TBCD: variants seen among roughly 807,000 people sequenced by gnomAD.
TBCD encodes the protein tubulin folding cofactor D, also known as tubulin-specific chaperone D.
TBCD carries 105 observed loss-of-function variants against 169.3 expected under a neutral mutation model. The ratio of observed to expected loss-of-function variants is 0.62; its 90% CI spans 0.53 to 0.73. The LOEUF (loss-of-function observed/expected upper bound fraction) is 0.73, where lower values mean the gene tolerates loss of function less well. Among genes scored for constraint, TBCD ranks in the 30% least tolerant of loss-of-function variants. The pLI is 0.00. For synonymous variants in TBCD, 700 were observed against 643.9 expected (o/e 1.09, Z -1.32); for missense variants, 1,444 against 1,600.1 (o/e 0.90, Z 1.66).
intron 13 of TBCD, among the ~76,000 whole-genome samples, chr17:82,867,532 A>C (rs1263322243): frequency 6.6e-6 from 1 of 152,234 alleles, no homozygotes; most frequent in Admixed American, 6.5e-5. Context: ...GGCCACGAAC[A>C]GGCTGCCCTG....
chr17:82,870,938 A>G (rs57447107), intron 14 of TBCD, among the ~76,000 whole-genome samples: 2,517 of 152,340 alleles, frequency 0.017, 78 homozygotes, highest in African/African-American at 0.058. Context: ...CACTTGAGAG[A>G]ATGTTCAGTA....
intron 2 of TBCD, among the ~76,000 whole-genome samples, chr17:82,763,400 A>G (rs1199430518): frequency 6.6e-6 from 1 of 152,146 alleles, no homozygotes; most frequent in Non-Finnish European, 1.5e-5. Flanking sequence ...CCTTTTGCTT[A>G]CGTTTAACCT....
intron 9 of TBCD, among the ~76,000 whole-genome samples, chr17:82,803,862 G>T (rs183232324): frequency 6.6e-6 from 1 of 151,574 alleles, no homozygotes; most frequent in African/African-American, 2.4e-5. Context: ...CGGTCTGTGG[G>T]GCGTTAGGGG....
chr17:82,802,578 C>T (rs1472221874), intron 9 of TBCD, among the ~76,000 whole-genome samples: 1 of 152,216 alleles, frequency 6.6e-6, no homozygotes, highest in Admixed American at 6.5e-5. Flanking sequence ...CCAAAGGCCT[C>T]AGGGTGGAGA....
chr17:82,774,680 C>T (rs1011849230), intron 6 of TBCD, among the ~76,000 whole-genome samples: 8 of 152,072 alleles, frequency 5.3e-5, no homozygotes, highest in African/African-American at 1.4e-4. Flanking sequence ...CGGGGGCTGC[C>T]CCCCACCCGA....
chr17:82,903,652 G>A lies in TBCD; in HGVS notation c.1804+174G>A, dbSNP rs1225026863. Among the ~76,000 whole-genome samples the A allele has an allele frequency of 3.3e-5, 5 of 152,232 alleles. No homozygotes were observed. Among genetic ancestry groups the A allele is most frequent in the Non-Finnish European group, 4.4e-5 (3 of 68,030 alleles). The stretch of plus-strand genomic sequence containing the variant: ...GTGGATAGGCTGTGAGGACGGATGC[G>A]GTGAGTGTGTCCGCCTGCAGGGCAG... On this transcript the variant is annotated intron_variant, in intron 19 of 38. Coordinates refer to ENST00000355528, the MANE Select transcript of TBCD (RefSeq NM_005993.5). This position sits in a 1 kb window ranked among gnomAD's most constrained non-coding sequence, Gnocchi z 4.8.
chr17:82,795,674 C>G (rs1204562538), intron 7 of TBCD: 1 of 894,238 alleles, frequency 1.1e-6, no homozygotes, highest in East Asian at 1.2e-4. Flanking sequence ...GCATCAGTGA[C>G]AGCCGCACTC....
chr17:82,752,168 G>A lies in TBCD; in HGVS notation c.-26G>A. The A allele has an allele frequency of 1.3e-6, 2 of 1,500,386 alleles. No individual in the cohort carries two copies. Among genetic ancestry groups the A allele is most frequent in the African/African-American group, 1.5e-5 (1 of 68,558 alleles). The allele number at this position is 1,500,386 out of a possible 1,614,324, so 92.9% of individuals were successfully genotyped here. On this transcript the variant is annotated 5_prime_UTR_variant, in exon 1 of 39. Transcript: ENST00000355528. Reference sequence around the variant, plus strand: ...AGTGGGATCTGCGAACACGTGAGGCGGGGGCGCGGTCCCCAGGCTGCCGAG... The same window carrying A: ...AGTGGGATCTGCGAACACGTGAGGCAGGGGCGCGGTCCCCAGGCTGCCGAG...
chr17:82,879,137 C>G (rs765009664), intron 14 of TBCD, among the ~76,000 whole-genome samples: 10 of 129,684 alleles, frequency 7.7e-5, no homozygotes, highest in Non-Finnish European at 1.6e-4. Flanking sequence ...CCTGGCTTAT[C>G]TTTTTGCCCC....
chr17:82,780,972 T>C (rs1357314224), intron 6 of TBCD, among the ~76,000 whole-genome samples: 1 of 152,024 alleles, frequency 6.6e-6, no homozygotes, highest in Non-Finnish European at 1.5e-5. Context: ...TTGGGAGCTC[T>C]GTGTGCTCAA....
chr17:82,888,863 T>G (rs2058937512), intron 15 of TBCD, among the ~76,000 whole-genome samples: 1 of 152,254 alleles, frequency 6.6e-6, no homozygotes, highest in African/African-American at 2.4e-5. Flanking sequence ...GCGTGGTCCC[T>G]GAAGCCGCCA....
intron 7 of TBCD, among the ~76,000 whole-genome samples, chr17:82,794,273 C>T (rs527467267): frequency 7.2e-5 from 11 of 152,234 alleles, no homozygotes; most frequent in African/African-American, 1.4e-4. Context: ...GAAGCTGGCT[C>T]GCACGTTGCA....
chr17:82,772,500 G>C lies in TBCD; in HGVS notation c.631G>C (p.Val211Leu). 6.2e-7 allele frequency: 1 copy of C among 1,614,004 alleles called. No individual in the cohort carries two copies. Among genetic ancestry groups the C allele is most frequent in the Non-Finnish European group, 8.5e-7 (1 of 1,179,896 alleles). The change falls in exon 6 of 39, where the codon GTG (valine) becomes CTG (leucine). Residue 211 changes from valine to leucine, a missense_variant. Physicochemically the swap from Val to Leu is conservative, Grantham distance 32 (BLOSUM62 1). Transcript: ENST00000355528. ...DKARDAAAVLVSRFITRPDVK... is the reference protein window; with the variant it reads ...DKARDAAAVLLSRFITRPDVK... ...GGCCCGAGATGCAGCTGCTGTCCTTGTGTCCAGGTAAGTTTCCATGGCACA... is the reference window on the plus strand; with the variant it reads ...GGCCCGAGATGCAGCTGCTGTCCTTCTGTCCAGGTAAGTTTCCATGGCACA...
rs997065246 is a variant in TBCD, at chr17:82,835,635, G to A, written c.1318+20701G>A. ...AGATGGGGTTTCACTATGTTGGCCC[G>A]GCTGGTCTTGAACTCCTGACCTCAG... On this transcript the variant is annotated intron_variant, in intron 13 of 38. Coordinates refer to ENST00000355528, the MANE Select transcript of TBCD (RefSeq NM_005993.5). This position sits in a 1 kb window ranked among gnomAD's most constrained non-coding sequence, Gnocchi z 4.5. Among the ~76,000 whole-genome samples, 1 of 151,902 alleles carries A rather than the reference G, an allele frequency of 6.6e-6. No homozygotes were observed. The highest frequency in any genetic ancestry group is 1.5e-5 in the Non-Finnish European group (1 of 68,002).
intron 17 of TBCD, among the ~76,000 whole-genome samples, chr17:82,894,019 G>A (rs975495790): frequency 6.0e-5 from 4 of 66,462 alleles, no homozygotes; most frequent in African/African-American, 3.5e-4. Flanking sequence ...ACCTCCTCCT[G>A]ATGCTTCCCT....
At position 82,768,548 on chromosome 17, in the gene TBCD, T is replaced by C; in HGVS notation, c.564T>C (p.Arg188=). 3 of 1,614,050 alleles carry C rather than the reference T, an allele frequency of 1.9e-6. No homozygotes were observed. Among genetic ancestry groups the C allele is most frequent in the Non-Finnish European group, 2.5e-6 (3 of 1,179,884 alleles). The change falls in exon 5 of 39, where the codon CGT becomes CGC. Residue 188 remains arginine (R), a synonymous_variant. Transcript: ENST00000355528. ...PGQARMSIMD[R]ILQIAESYLI... ...AAGCACGAATGTCCATAATGGACCG[T>C]ATTCTCCAAATAGCAGAGGTAAATA...
chr17:82,787,218 C>G (rs1227627588), intron 7 of TBCD, among the ~76,000 whole-genome samples: 2 of 152,228 alleles, frequency 1.3e-5, no homozygotes, highest in African/African-American at 2.4e-5. Context: ...TAGGGCAGAG[C>G]ACCCAGGCGG....
At chr17:82,765,900 C>T (rs576395893) in intron 3 of TBCD, among the ~76,000 whole-genome samples, 58 of 152,254 alleles carry the variant, frequency 3.8e-4, no homozygotes, top group African/African-American at 1.4e-3. Flanking sequence ...ACTGCAGCCT[C>T]GAACTCTTGG....
In TBCD at chr17:82,930,692, T is replaced by C; in HGVS notation, c.3113+49T>C. The C allele has an allele frequency of 6.2e-7, 1 of 1,611,328 alleles. No homozygotes were observed. The highest frequency in any genetic ancestry group is 1.7e-4 in the Middle Eastern group (1 of 6,046). On this transcript the variant is annotated intron_variant, in intron 33 of 38. Transcript: ENST00000355528. This position sits in a 1 kb window ranked among gnomAD's most constrained non-coding sequence, Gnocchi z 5.2. The stretch of plus-strand genomic sequence containing the variant: ...CAGAGGCGTGAGTGGTGCTGGTGCC[T>C]CTCACCACGTTCCCACAGATTCCCG...
Sources: gnomAD v4.1 joint callset for allele counts (sites outside exome capture counted in the v4.1 genomes callset) on GRCh38, gnomAD v4.1.1 for gene constraint, Gnocchi (gnomAD v3.1) non-coding constraint, MANE v1.5 for transcripts, NCBI Gene and HGNC (gene_info 2026-07-23, HGNC 2026-07-21) for gene names.